The following ELF1 variants were observed in gnomAD, a reference collection of about 807,000 sequenced individuals.
The protein encoded by ELF1 is E74 like ETS transcription factor 1, also known as ETS-related transcription factor Elf-1.
Under a neutral mutation model 59.9 loss-of-function variants are expected in ELF1, and 24 were observed. The observed-to-expected ratio is 0.40, with a 90% confidence interval of 0.29 to 0.56. ELF1 has a LOEUF of 0.56. ELF1 is among the 20% of genes least tolerant of loss of function. ELF1 has a pLI of 0.44. For synonymous variants in ELF1, 248 were observed against 266.2 expected, an observed-to-expected ratio of 0.93 and a Z score of 0.67; for missense variants, 627 against 742.2, an observed-to-expected ratio of 0.84 and a Z score of 1.80.
chr13:41,023,811 A>T (rs1266173261), upstream of ELF1, among the ~76,000 whole-genome samples: 1 of 152,224 alleles, frequency 6.6e-6, no homozygotes, highest in Non-Finnish European at 1.5e-5. Context: ...CCCATCACCT[A>T]GGACAAGGCC....
chr13:40,943,260 TTC>T, intron 6 of ELF1, 116 bp from the exon 7 acceptor site: 1 of 913,026 alleles, frequency 1.1e-6, no homozygotes, highest in Admixed American at 3.2e-5. Flanking sequence ...TATTACATAA[TTC>T]AGTTAGTATT....
At chr13:40,938,847 TATAA>T (rs975174544) in intron 8 of ELF1, among the ~76,000 whole-genome samples, 41 of 151,994 alleles carry the variant, frequency 2.7e-4, no homozygotes, top group Non-Finnish European at 1.3e-4. Flanking sequence ...GAAAAAAAGG[TATAA>T]ATAAATAGAG....
intron 1 of ELF1, among the ~76,000 whole-genome samples, chr13:41,045,303 G>C (rs1331881267): frequency 6.7e-6 from 1 of 149,600 alleles, no homozygotes; most frequent in Non-Finnish European, 1.5e-5. Flanking sequence ...CTTCAGTTCT[G>C]CTCTTACTTA....
At chr13:41,046,928 G>C (rs2138428524) in intron 1 of ELF1, among the ~76,000 whole-genome samples, 1 of 152,322 alleles carries the variant, frequency 6.6e-6, no homozygotes, top group South Asian at 2.1e-4. Context: ...ACACCAATGA[G>C]ACGCAGATTT....
chr13:40,964,911 A>G (rs919342178), intron 2 of ELF1, among the ~76,000 whole-genome samples: 4 of 152,058 alleles, frequency 2.6e-5, no homozygotes, highest in African/African-American at 7.2e-5. Context: ...TTCTTTACTA[A>G]TTACATCTGC....
intron 1 of ELF1, among the ~76,000 whole-genome samples, chr13:41,000,522 A>G (rs895352061): frequency 3.9e-5 from 6 of 151,976 alleles, no homozygotes; most frequent in Admixed American, 2.0e-4. Context: ...CACTGGGCCG[A>G]ACCTGGGTCT....
intron 1 of ELF1, among the ~76,000 whole-genome samples, chr13:41,032,706 C>G (rs972839430): frequency 2.6e-5 from 4 of 151,860 alleles, no homozygotes; most frequent in African/African-American, 9.7e-5. Context: ...AACAATTAGC[C>G]TGGTATGGTG....
chr13:41,017,742 CTTAT>C (rs1279288431), intron 1 of ELF1, among the ~76,000 whole-genome samples: 1 of 151,776 alleles, frequency 6.6e-6, no homozygotes, highest in Non-Finnish European at 1.5e-5. Flanking sequence ...AATTATGCCG[CTTAT>C]TTGTGTGCCT....
intron 2 of ELF1, among the ~76,000 whole-genome samples, chr13:40,977,487 A>G (rs924081764): frequency 1.3e-5 from 2 of 152,098 alleles, no homozygotes; most frequent in Non-Finnish European, 2.9e-5. Flanking sequence ...ATTCTGGAAA[A>G]TATGAACTGA....
intron 3 of ELF1, among the ~76,000 whole-genome samples, chr13:40,955,420 T>G (rs1593359740): frequency 4.4e-5 from 5 of 112,948 alleles, no homozygotes; most frequent in Admixed American, 8.7e-5. Flanking sequence ...GGGAAGGAGG[T>G]GGGGGGGTCA....
At chr13:41,059,345 T>C (rs1877407026) in intron 1 of ELF1, among the ~76,000 whole-genome samples, 1 of 152,252 alleles carries the variant, frequency 6.6e-6, no homozygotes, top group African/African-American at 2.4e-5. Context: ...CAAACATCAG[T>C]AACTTCAAAA....
chr13:41,055,876 G>A (rs1208313210), intron 1 of ELF1, among the ~76,000 whole-genome samples: 1 of 151,530 alleles, frequency 6.6e-6, no homozygotes, highest in Non-Finnish European at 1.5e-5. Context: ...TTCTTTGGTA[G>A]AGATGAAGTT....
intron 8 of ELF1, 50 bp downstream of exon 8, chr13:40,940,871 T>C (rs1460311692): frequency 2.0e-6 from 3 of 1,520,736 alleles, no homozygotes; most frequent in Non-Finnish European, 2.7e-6. Flanking sequence ...ATAATGTCTC[T>C]GGTCAGAAAC....
Position 40,933,335 on chromosome 13 carries a change from T to C in ELF1, c.*90A>G, listed in dbSNP as rs1381301595. ...TTTAACAATTACAAAATTAGAAACC[T>C]CCTTAGAATTTATCTTAGAATCAGT... On this transcript the variant is annotated 3_prime_UTR_variant, in exon 9 of 9. Transcript: ENST00000239882. 4 of 1,468,838 alleles carry C rather than the reference T, an allele frequency of 2.7e-6. No individual in the cohort carries two copies. The highest frequency in any genetic ancestry group is 2.8e-5 in the African/African-American group (2 of 70,542). 91.0% of individuals were successfully genotyped at this position (1,468,838 alleles called of 1,614,324 possible).
At chr13:40,952,738 GGAGTA>G (rs1215276581) in intron 3 of ELF1, among the ~76,000 whole-genome samples, 1 of 151,986 alleles carries the variant, frequency 6.6e-6, no homozygotes, top group Non-Finnish European at 1.5e-5. Flanking sequence ...TAAAAATTGT[GGAGTA>G]TAGTATATAT....
intron 2 of ELF1, among the ~76,000 whole-genome samples, chr13:40,980,331 T>C (rs1873182541): frequency 1.3e-5 from 2 of 152,152 alleles, no homozygotes; most frequent in African/African-American, 4.8e-5. Flanking sequence ...AAAATCCTTA[T>C]AACACCTGCA....
At chr13:41,022,640 G>A (rs530041310), upstream of ELF1, among the ~76,000 whole-genome samples, 90 of 152,186 alleles carry the variant, frequency 5.9e-4, no homozygotes, top group Non-Finnish European at 1.1e-3. Flanking sequence ...CAGCACTTTG[G>A]GAGGCCAAGG....
At chr13:40,987,478 T>G (rs1350246568) in intron 1 of ELF1, among the ~76,000 whole-genome samples, 13 of 145,830 alleles carry the variant, frequency 8.9e-5, no homozygotes, top group African/African-American at 3.3e-4. Context: ...CCCAGCTACT[T>G]GGGAGACTGA....
At chr13:41,043,917 T>G (rs948123611) in intron 1 of ELF1, among the ~76,000 whole-genome samples, 1 of 152,254 alleles carries the variant, frequency 6.6e-6, no homozygotes, top group Non-Finnish European at 1.5e-5. Flanking sequence ...ATATTGATTC[T>G]GCCTATCCAT....
Sources: gnomAD v4.1 joint callset for allele counts (sites outside exome capture counted in the v4.1 genomes callset) on GRCh38, gnomAD v4.1.1 for gene constraint, MANE v1.5 for transcripts, NCBI Gene and HGNC (gene_info 2026-07-23, HGNC 2026-07-21) for gene names.